Variants in HCN1 observed in about 807,000 individuals in gnomAD.
HCN1 encodes the protein potassium/sodium hyperpolarization-activated cyclic nucleotide-gated channel 1.
In HCN1, 13 loss-of-function variants were observed where a neutral mutation model predicts 78.9. That is an observed-to-expected ratio of 0.16 (90% CI 0.11 to 0.26). HCN1 has a LOEUF of 0.26. Ranked by LOEUF, HCN1 falls within the 10% of genes least tolerant of loss-of-function variation. The probability of loss-of-function intolerance (pLI) is 1.00; values close to 1 mark genes in which losing one functional copy is unlikely to be tolerated. For synonymous variants in HCN1, 552 were observed against 455.5 expected (o/e 1.21, Z -2.70); for missense variants, 810 against 1,154.3 (o/e 0.70, Z 4.32).
chr5:45,469,117 G>T (rs1377205227), intron 2 of HCN1, among the ~76,000 whole-genome samples: 1 of 151,692 alleles, frequency 6.6e-6, no homozygotes, highest in Non-Finnish European at 1.5e-5. Flanking sequence ...TAATATGATA[G>T]GTTATTTTTT....
chr5:45,355,379 C>G (rs571627410), intron 4 of HCN1, among the ~76,000 whole-genome samples: 1 of 151,914 alleles, frequency 6.6e-6, no homozygotes, highest in East Asian at 1.9e-4. Context: ...TATAAATACA[C>G]ATTCACAGTC....
intron 2 of HCN1, among the ~76,000 whole-genome samples, chr5:45,572,469 A>G (rs1287116763): frequency 1.3e-5 from 2 of 152,184 alleles, no homozygotes; most frequent in Non-Finnish European, 2.9e-5. Flanking sequence ...TTAAGGATTC[A>G]CACACTTGGA....
chr5:45,374,424 C>T (rs1346365628), intron 4 of HCN1, among the ~76,000 whole-genome samples: 1 of 147,406 alleles, frequency 6.8e-6, no homozygotes, highest in Non-Finnish European at 1.5e-5. Flanking sequence ...TTCCTGAACA[C>T]ATACAACCTC....
intron 1 of HCN1, 77 bp from the exon 2 acceptor site, chr5:45,645,685 A>T: frequency 1.2e-6 from 1 of 807,958 alleles, no homozygotes; most frequent in Non-Finnish European, 1.9e-6. Context: ...ATTATTACTG[A>T]TATATAGTGA....
chr5:45,437,621 T>C (rs918119727), intron 3 of HCN1, among the ~76,000 whole-genome samples: 2 of 152,190 alleles, frequency 1.3e-5, no homozygotes, highest in African/African-American at 4.8e-5. Context: ...ATAAACATTT[T>C]CATAAAGAGT....
At chr5:45,617,619 GAACCTCTT>G (rs1451824648) in intron 2 of HCN1, among the ~76,000 whole-genome samples, 19 of 152,054 alleles carry the variant, frequency 1.2e-4, no homozygotes, top group Non-Finnish European at 2.8e-4. Flanking sequence ...AACTCTAGAG[GAACCTCTT>G]AACAATTTCT....
intron 1 of HCN1, among the ~76,000 whole-genome samples, 194 bp from the exon 2 acceptor site, chr5:45,645,802 G>A (rs1367934682): frequency 6.6e-6 from 1 of 151,682 alleles, no homozygotes; most frequent in African/African-American, 2.4e-5. Context: ...CTTAAACCAA[G>A]GCATTATGAT....
At chr5:45,265,504 G>T (rs1034372008) in intron 7 of HCN1, among the ~76,000 whole-genome samples, 1 of 152,136 alleles carries the variant, frequency 6.6e-6, no homozygotes, top group African/African-American at 2.4e-5. Flanking sequence ...TAATACGTTT[G>T]TTATATCTAA....
intron 2 of HCN1, among the ~76,000 whole-genome samples, chr5:45,579,950 A>G (rs774418518): frequency 6.6e-6 from 1 of 152,102 alleles, no homozygotes; most frequent in Non-Finnish European, 1.5e-5. Flanking sequence ...TCAAAGTGTC[A>G]AAATATGCCT....
chr5:45,518,642 A>G (rs1236386363), intron 2 of HCN1, among the ~76,000 whole-genome samples: 3 of 152,058 alleles, frequency 2.0e-5, no homozygotes, highest in East Asian at 1.9e-4. Context: ...CAGGGGCTGA[A>G]GAGAATCAAA....
chr5:45,395,527 T>C (rs1167171071), intron 4 of HCN1, among the ~76,000 whole-genome samples: 1 of 152,204 alleles, frequency 6.6e-6, no homozygotes, highest in Admixed American at 6.5e-5. Flanking sequence ...TCTCATATTG[T>C]GTGATTATAG....
At chr5:45,412,843 C>A (rs1740049696) in intron 3 of HCN1, among the ~76,000 whole-genome samples, 1 of 151,930 alleles carries the variant, frequency 6.6e-6, no homozygotes. Context: ...ATGAAAAGAA[C>A]TGAATAGCAT....
At chr5:45,648,757 C>T (rs958645439) in intron 1 of HCN1, among the ~76,000 whole-genome samples, 2 of 151,784 alleles carry the variant, frequency 1.3e-5, no homozygotes, top group African/African-American at 4.8e-5. Flanking sequence ...ATTTTATTAC[C>T]ATATCATCTT....
intron 5 of HCN1, among the ~76,000 whole-genome samples, chr5:45,332,603 C>A (rs1371265291): frequency 1.3e-5 from 2 of 151,148 alleles, no homozygotes; most frequent in Non-Finnish European, 3.0e-5. Context: ...CATTTTTGTA[C>A]CCAGTAAGCA....
chr5:45,375,085 T>TATATATAATATAATATTTTATA (rs1747576804), intron 4 of HCN1, among the ~76,000 whole-genome samples: 1 of 121,476 alleles, frequency 8.2e-6, no homozygotes, highest in Non-Finnish European at 1.6e-5. Flanking sequence ...TATATATAAT[T>TATATATAATATAATATTTTATA]ATATATAATA....
At chr5:45,657,856 C>G (rs904979873) in intron 1 of HCN1, among the ~76,000 whole-genome samples, 7 of 152,160 alleles carry the variant, frequency 4.6e-5, no homozygotes, top group African/African-American at 1.7e-4. Context: ...CATCAAGCTA[C>G]CAATAACTTT....
chr5:45,408,217 TG>T (rs1363074521), intron 3 of HCN1, among the ~76,000 whole-genome samples: 8 of 152,114 alleles, frequency 5.3e-5, no homozygotes, highest in Non-Finnish European at 8.8e-5. Flanking sequence ...AAGTATACAG[TG>T]TTTATAAAGT....
intron 5 of HCN1, among the ~76,000 whole-genome samples, chr5:45,332,467 T>C (rs1187988727): frequency 6.6e-6 from 1 of 151,050 alleles, no homozygotes; most frequent in Non-Finnish European, 1.5e-5. Context: ...CCATTAACCA[T>C]CCTCACCTTC....
At chr5:45,316,624 G>C (rs1745999845) in intron 5 of HCN1, among the ~76,000 whole-genome samples, 1 of 152,152 alleles carries the variant, frequency 6.6e-6, no homozygotes, top group Admixed American at 6.5e-5. Flanking sequence ...AAGTCAAATT[G>C]TCCCTGTTGG....
Sources: gnomAD v4.1 joint callset for allele counts (sites outside exome capture counted in the v4.1 genomes callset) on GRCh38, gnomAD v4.1.1 for gene constraint, MANE v1.5 for transcripts, NCBI Gene and HGNC (gene_info 2026-07-23, HGNC 2026-07-21) for gene names.